Variants in MOB1A observed in about 807,000 individuals in gnomAD.
MOB1A encodes MOB kinase activator 1A.
MOB1A carries 10 observed loss-of-function variants against 25.1 expected under a neutral mutation model. That is an observed-to-expected ratio of 0.40 (90% CI 0.25 to 0.68). The LOEUF is 0.68. Among genes scored for constraint, MOB1A ranks in the 30% least tolerant of loss-of-function variants. MOB1A has a pLI of 0.40. For missense variants in MOB1A, 177 were observed against 256.3 expected, an observed-to-expected ratio of 0.69 and a Z score of 2.11; for synonymous variants, 81 against 79.5, an observed-to-expected ratio of 1.02 and a Z score of -0.10.
intron 1 of MOB1A, 59 bp from the exon 2 acceptor site, chr2:74,172,811 A>G (rs1371798426): frequency 1.3e-6 from 2 of 1,518,006 alleles, no homozygotes; most frequent in Non-Finnish European, 1.8e-6. Context: ...AACAGGTAGA[A>G]CAACATAATT....
chr2:74,165,939 T>C (rs1693118577), intron 3 of MOB1A, among the ~76,000 whole-genome samples: 2 of 152,162 alleles, frequency 1.3e-5, no homozygotes, highest in South Asian at 4.1e-4. Context: ...CTTAACACAA[T>C]ATAAAATAAA....
At position 74,169,564 on chromosome 2, in the gene MOB1A, G is replaced by A. The variant is rs4527231; in HGVS notation, c.182-2457C>T. Among the ~76,000 whole-genome samples the A allele has an allele frequency of 2.4e-4, 37 of 151,930 alleles. 1 individual carries two copies. The highest frequency in any genetic ancestry group is 3.1e-4 in the African/African-American group (13 of 41,338). The stretch of plus-strand genomic sequence containing the variant: ...GTTTTAATTTCCAACAGAGTATCAC[G>A]AGATATACCCAATATAATTAAAAGC... On this transcript the variant is annotated intron_variant, in intron 2 of 5. Transcript: ENST00000396049.
At chr2:74,169,667 T>C (rs7424820) in intron 2 of MOB1A, among the ~76,000 whole-genome samples, 24,495 of 151,584 alleles carry the variant, frequency 0.16, 2,334 homozygotes, top group East Asian at 0.38. Context: ...CTCACTCTGT[T>C]GCCCAGGCTG....
chr2:74,167,277 A>G (rs1027903077), intron 2 of MOB1A, among the ~76,000 whole-genome samples, 170 bp from the exon 3 acceptor site: 5 of 152,076 alleles, frequency 3.3e-5, no homozygotes, highest in South Asian at 2.1e-4. Context: ...TTTTTCTCTG[A>G]AACAGTCTTG....
In MOB1A at chr2:74,162,814, A is replaced by G. The variant is rs147073677; in HGVS notation, c.409+2404T>C. ...ATAAAATACTCTTAAGTTGAAAATG[A>G]CAAGGAGTGATTTCATCCATGAATA... On this transcript the variant is annotated intron_variant, in intron 4 of 5. Transcript: ENST00000396049. Among the ~76,000 whole-genome samples the G allele has an allele frequency of 2.4e-3, 360 of 152,326 alleles. 1 individual carries two copies. Among genetic ancestry groups the G allele is most frequent in the Non-Finnish European group, 4.3e-3 (295 of 68,032 alleles).
chr2:74,160,236 C>T (rs1257634718), intron 4 of MOB1A, among the ~76,000 whole-genome samples: 4 of 152,170 alleles, frequency 2.6e-5, no homozygotes, highest in Admixed American at 6.5e-5. Flanking sequence ...TAATCCAGCA[C>T]GTTGAGAGGC....
chr2:74,165,977 A>AAAT (rs1278897397), intron 3 of MOB1A, among the ~76,000 whole-genome samples: 1 of 152,176 alleles, frequency 6.6e-6, no homozygotes, highest in Non-Finnish European at 1.5e-5. Context: ...ATTATAATAA[A>AAAT]AATAGAACTA....
At chr2:74,169,714 C>T (rs147649489) in intron 2 of MOB1A, among the ~76,000 whole-genome samples, 3,969 of 151,890 alleles carry the variant, frequency 0.026, 160 homozygotes, top group African/African-American at 0.092. Flanking sequence ...CTGCAACCCC[C>T]GTCTCCCAGG....
chr2:74,155,365 C>G lies in MOB1A; in HGVS notation c.*1203G>C, dbSNP rs1328020473. ...AAACCCAAGTGGAAGCTCAGTCCAT[C>G]TTTTGAATATTAACAAAATGAGGAT... On this transcript the variant is annotated 3_prime_UTR_variant, in exon 6 of 6. Coordinates refer to ENST00000396049, the MANE Select transcript of MOB1A (RefSeq NM_018221.5). The G allele has an allele frequency of 6.6e-6, 1 of 152,592 alleles. No homozygotes were observed. Among genetic ancestry groups the G allele is most frequent in the East Asian group, 1.9e-4 (1 of 5,204 alleles). The allele number at this position is 152,592 out of a possible 1,614,324, so 9.5% of individuals were successfully genotyped here.
At chr2:74,168,130 G>A (rs1206968664) in intron 2 of MOB1A, among the ~76,000 whole-genome samples, 1 of 152,060 alleles carries the variant, frequency 6.6e-6, no homozygotes, top group Non-Finnish European at 1.5e-5. Context: ...CAGAGACACT[G>A]TCTCAAAATA....
chr2:74,167,420 T>G (rs1274326513), intron 2 of MOB1A, among the ~76,000 whole-genome samples: 1 of 152,160 alleles, frequency 6.6e-6, no homozygotes, highest in African/African-American at 2.4e-5. Flanking sequence ...TAATTTTGTT[T>G]TGGTATTTTT....
intron 4 of MOB1A, among the ~76,000 whole-genome samples, chr2:74,163,540 A>T (rs1693035617): frequency 6.6e-6 from 1 of 152,134 alleles, no homozygotes; most frequent in South Asian, 2.1e-4. Context: ...TGGGAAGCTA[A>T]GGTGGGAGGA....
intron 2 of MOB1A, among the ~76,000 whole-genome samples, chr2:74,170,132 G>C (rs775719249): frequency 8.6e-5 from 13 of 151,752 alleles, no homozygotes; most frequent in Admixed American, 5.9e-4. Flanking sequence ...TTGTTTGTTT[G>C]TTTGTTTTTG....
chr2:74,163,789 A>G (rs1433408156), intron 4 of MOB1A, among the ~76,000 whole-genome samples: 2 of 152,228 alleles, frequency 1.3e-5, no homozygotes, highest in Non-Finnish European at 2.9e-5. Context: ...GAATTTTACA[A>G]GAGAAAATAA....
In MOB1A at chr2:74,156,423, G is replaced by T. The variant is rs755848470; in HGVS notation, c.*145C>A. 469 of 703,762 alleles carry T rather than the reference G, an allele frequency of 6.7e-4. 1 individual carries two copies. Among genetic ancestry groups the T allele is most frequent in the Non-Finnish European group, 1.0e-3 (416 of 407,190 alleles). The allele number at this position is 703,762 out of a possible 1,614,324, so 43.6% of individuals were successfully genotyped here. On this transcript the variant is annotated 3_prime_UTR_variant, in exon 6 of 6. Transcript: ENST00000396049. ...AAACTATCACACCAACCTACCTTTG[G>T]GATAATTTTATCAGTAGACACAGGC...
At chr2:74,166,913 C>T in intron 3 of MOB1A, 101 bp downstream of exon 3, 1 of 822,610 alleles carries the variant, frequency 1.2e-6, no homozygotes, top group South Asian at 1.7e-5. Flanking sequence ...AACTGAATCA[C>T]CTTCACACAA....
At chr2:74,168,938 G>A (rs901029435) in intron 2 of MOB1A, among the ~76,000 whole-genome samples, 14 of 152,176 alleles carry the variant, frequency 9.2e-5, no homozygotes, top group Admixed American at 1.3e-4. Context: ...GGATCTGTAA[G>A]GTCAAACCAT....
intron 5 of MOB1A, among the ~76,000 whole-genome samples, chr2:74,157,614 G>A (rs767616254): frequency 2.6e-5 from 4 of 152,130 alleles, no homozygotes; most frequent in Non-Finnish European, 5.9e-5. Context: ...GCTACCTCCA[G>A]ATAGACATTA....
At chr2:74,168,072 G>A (rs961286743) in intron 2 of MOB1A, among the ~76,000 whole-genome samples, 1 of 152,230 alleles carries the variant, frequency 6.6e-6, no homozygotes, top group Non-Finnish European at 1.5e-5. Context: ...CCAGGAGGCT[G>A]AGGTTGCCGT....
Sources: allele counts gnomAD v4.1 joint callset (sites outside exome capture counted in the v4.1 genomes callset), GRCh38; gene constraint gnomAD v4.1.1; transcripts MANE v1.5; gene names NCBI Gene and HGNC (gene_info 2026-07-23, HGNC 2026-07-21).